Variants in KLF12 observed in about 807,000 individuals in gnomAD.
KLF12 encodes KLF transcription factor 12.
KLF12 carries 9 observed loss-of-function variants against 37.8 expected under a neutral mutation model. The ratio of observed to expected loss-of-function variants is 0.24; its 90% CI spans 0.14 to 0.42. The LOEUF (loss-of-function observed/expected upper bound fraction) is 0.42. Ranked by LOEUF, KLF12 falls within the 10% of genes least tolerant of loss-of-function variation. The pLI is 1.00. For missense variants in KLF12, 411 were observed against 516.0 expected, an observed-to-expected ratio of 0.80 and a Z score of 1.97; for synonymous variants, 208 against 202.1, an observed-to-expected ratio of 1.03 and a Z score of -0.25.
At chr13:73,934,284 T>C (rs1304867490) in intron 3 of KLF12, among the ~76,000 whole-genome samples, 2 of 152,188 alleles carry the variant, frequency 1.3e-5, no homozygotes, top group Non-Finnish European at 2.9e-5. Flanking sequence ...CTTACTGACC[T>C]ACCTTCAAAT....
chr13:73,831,832 A>T (rs1158628641), intron 4 of KLF12, among the ~76,000 whole-genome samples: 1 of 152,224 alleles, frequency 6.6e-6, no homozygotes, highest in African/African-American at 2.4e-5. Flanking sequence ...CAGTAACAAA[A>T]TCTACAGAAA....
the KLF12 span, among the ~76,000 whole-genome samples, chr13:74,295,755 C>T: frequency 6.6e-6 from 1 of 152,020 alleles, no homozygotes; most frequent in East Asian, 1.9e-4. Flanking sequence ...TGAAAGCTTT[C>T]CTGGACTAAA....
At chr13:73,929,069 A>C (rs544738705) in intron 3 of KLF12, among the ~76,000 whole-genome samples, 11 of 152,322 alleles carry the variant, frequency 7.2e-5, no homozygotes, top group African/African-American at 2.6e-4. Context: ...GTTTGAAATC[A>C]AACTGAGAAG....
intron 2 of KLF12, among the ~76,000 whole-genome samples, chr13:73,981,384 T>C (rs905306084): frequency 3.3e-5 from 5 of 152,080 alleles, no homozygotes; most frequent in African/African-American, 1.2e-4. Context: ...TGCTGAAAAA[T>C]GGATAAATTA....
intron 1 of KLF12, among the ~76,000 whole-genome samples, chr13:74,115,128 T>TCC (rs1446246975): frequency 6.6e-6 from 1 of 152,196 alleles, no homozygotes; most frequent in Non-Finnish European, 1.5e-5. Context: ...AAGTTAGTTA[T>TCC]CCCCTTCAAA....
intron 5 of KLF12, among the ~76,000 whole-genome samples, chr13:73,785,078 G>T (rs1881253886): frequency 6.6e-6 from 1 of 150,692 alleles, no homozygotes; most frequent in South Asian, 2.1e-4. Flanking sequence ...TCCTCCCTTG[G>T]TTATCTTTAT....
At chr13:74,207,292 C>T in the KLF12 span, among the ~76,000 whole-genome samples, 2,228 of 152,226 alleles carry the variant, frequency 0.015, 26 homozygotes, top group African/African-American at 0.033. Flanking sequence ...ATGCTTTATG[C>T]GGGACACATT....
the KLF12 span, among the ~76,000 whole-genome samples, chr13:74,189,997 T>C: frequency 6.6e-6 from 1 of 152,152 alleles, no homozygotes; most frequent in Non-Finnish European, 1.5e-5. Context: ...TACTACAATA[T>C]TGAGTAATAT....
the KLF12 span, among the ~76,000 whole-genome samples, chr13:74,166,627 CT>C: frequency 1.3e-5 from 2 of 152,168 alleles, no homozygotes; most frequent in African/African-American, 2.4e-5. Context: ...ATATTTTCCC[CT>C]ATCTACATGT....
intron 1 of KLF12, among the ~76,000 whole-genome samples, chr13:74,051,192 A>G (rs887512182): frequency 6.6e-6 from 1 of 152,200 alleles, no homozygotes; most frequent in Non-Finnish European, 1.5e-5. Context: ...ATGTAACCAA[A>G]GTAAATGAAA....
the KLF12 span, among the ~76,000 whole-genome samples, chr13:74,155,041 C>A: frequency 6.6e-6 from 1 of 152,128 alleles, no homozygotes; most frequent in African/African-American, 2.4e-5. Flanking sequence ...TATTCTTTAT[C>A]TCCTTCTTTC....
At chr13:73,935,228 A>G (rs1889875169) in intron 3 of KLF12, among the ~76,000 whole-genome samples, 1 of 152,002 alleles carries the variant, frequency 6.6e-6, no homozygotes, top group South Asian at 2.1e-4. Flanking sequence ...ACCTCAAGTG[A>G]CCCACATACC....
At chr13:74,122,376 T>C (rs1877680761) in intron 1 of KLF12, among the ~76,000 whole-genome samples, 1 of 152,084 alleles carries the variant, frequency 6.6e-6, no homozygotes, top group African/African-American at 2.4e-5. Flanking sequence ...CAGTAAGATA[T>C]TACCACACAA....
chr13:73,784,600 C>T (rs1192959576), intron 5 of KLF12, among the ~76,000 whole-genome samples: 1 of 151,688 alleles, frequency 6.6e-6, no homozygotes, highest in Non-Finnish European at 1.5e-5. Context: ...TCCTCCTCCA[C>T]TCCAGCATCT....
At chr13:73,990,555 T>C (rs1180242991) in intron 2 of KLF12, among the ~76,000 whole-genome samples, 1 of 152,136 alleles carries the variant, frequency 6.6e-6, no homozygotes, top group Non-Finnish European at 1.5e-5. Flanking sequence ...GTGAATAACC[T>C]TAATTTTAAA....
the KLF12 span, among the ~76,000 whole-genome samples, chr13:74,301,258 G>A: frequency 6.6e-6 from 1 of 152,046 alleles, no homozygotes; most frequent in Non-Finnish European, 1.5e-5. Context: ...AGTTAACAAT[G>A]TGAACCCAGA....
the KLF12 span, among the ~76,000 whole-genome samples, chr13:74,152,971 A>G: frequency 3.2e-3 from 481 of 151,548 alleles, 3 homozygotes; most frequent in Non-Finnish European, 2.8e-3. Flanking sequence ...GATAAAAACC[A>G]AAGCATAAAT....
chr13:74,095,561 T>G (rs941893603), intron 1 of KLF12, among the ~76,000 whole-genome samples: 1 of 151,942 alleles, frequency 6.6e-6, no homozygotes, highest in Admixed American at 6.6e-5. Context: ...GCTTATTTTG[T>G]GTGTGTACAT....
chr13:74,147,917 T>A, the KLF12 span, among the ~76,000 whole-genome samples: 1 of 152,078 alleles, frequency 6.6e-6, no homozygotes, highest in Non-Finnish European at 1.5e-5. Context: ...ACTTCTTTTT[T>A]TTCTTTTTTT....
Sources: allele counts gnomAD v4.1 joint callset (sites outside exome capture counted in the v4.1 genomes callset), GRCh38; gene constraint gnomAD v4.1.1; transcripts MANE v1.5; gene names NCBI Gene and HGNC (gene_info 2026-07-23, HGNC 2026-07-21).